The following TAFA5 variants were observed in gnomAD, a reference collection of about 807,000 sequenced individuals.
TAFA5 encodes the protein chemokine-like protein TAFA-5.
Under a neutral mutation model 15.3 loss-of-function variants are expected in TAFA5, and 6 were observed. That is an observed-to-expected ratio of 0.39 (90% CI 0.21 to 0.77). The LOEUF is 0.77. Among genes scored for constraint, TAFA5 ranks in the 30% least tolerant of loss-of-function variants. TAFA5 has a pLI of 0.41. For missense variants in TAFA5, 161 were observed against 193.1 expected (o/e 0.83, Z 0.98); for synonymous variants, 103 against 80.7 (o/e 1.28, Z -1.48).
intron 2 of TAFA5, among the ~76,000 whole-genome samples, chr22:48,653,992 G>A (rs111755421): frequency 1.1e-4 from 16 of 152,262 alleles, no homozygotes; most frequent in Admixed American, 9.1e-4. Flanking sequence ...TCCGTGTCCC[G>A]TCACGTAGGC....
intron 2 of TAFA5, among the ~76,000 whole-genome samples, chr22:48,691,400 A>T (rs1928537503): frequency 6.6e-6 from 1 of 152,210 alleles, no homozygotes; most frequent in Admixed American, 6.5e-5. Context: ...TTACTGAGTA[A>T]CAAAACCAGC....
In TAFA5 at chr22:48,552,966, C is replaced by A. The variant is rs532455588; in HGVS notation, c.112+63262C>A. 2.9e-4 allele frequency among the ~76,000 whole-genome samples: 44 copies of A among 152,262 alleles called. No homozygotes were observed. Among genetic ancestry groups the A allele is most frequent in the African/African-American group, 1.0e-3 (43 of 41,562 alleles). On this transcript the variant is annotated intron_variant, in intron 1 of 3. Coordinates refer to ENST00000402357, the MANE Select transcript of TAFA5 (RefSeq NM_001082967.3). This position sits in a 1 kb window ranked among gnomAD's most constrained non-coding sequence, Gnocchi z 4.1. ...TGGGGCTGATCTGAGGGGGGCTCGT[C>A]CCCAACCACCTGGTCACAGGCAGAG...
intron 1 of TAFA5, among the ~76,000 whole-genome samples, chr22:48,623,132 C>T (rs1925898487): frequency 6.6e-6 from 1 of 152,238 alleles, no homozygotes; most frequent in African/African-American, 2.4e-5. Context: ...CTCCAGCTGT[C>T]ACCTTCGACC....
At chr22:48,494,588 C>T (rs1418502058) in intron 1 of TAFA5, among the ~76,000 whole-genome samples, 1 of 152,218 alleles carries the variant, frequency 6.6e-6, no homozygotes, top group Admixed American at 6.5e-5. Flanking sequence ...TTCTTAAATG[C>T]TGCCTTGCAC....
chr22:48,665,966 A>G (rs910194850), intron 2 of TAFA5, among the ~76,000 whole-genome samples: 3 of 152,148 alleles, frequency 2.0e-5, no homozygotes, highest in African/African-American at 7.2e-5. Context: ...CCCACCCTGC[A>G]TCCAGCCTAG....
intron 1 of TAFA5, among the ~76,000 whole-genome samples, chr22:48,616,413 G>A (rs561430837): frequency 2.0e-5 from 3 of 152,328 alleles, no homozygotes; most frequent in Non-Finnish European, 4.4e-5. Context: ...CACATCGTGA[G>A]GCCTGGGAGC....
chr22:48,516,433 A>C (rs2147104471), intron 1 of TAFA5, among the ~76,000 whole-genome samples: 1 of 151,944 alleles, frequency 6.6e-6, no homozygotes, highest in East Asian at 2.0e-4. Context: ...TGGAATATTC[A>C]GTGCAGACAT....
At chr22:48,645,839 A>C (rs1480716619) in intron 1 of TAFA5, among the ~76,000 whole-genome samples, 1 of 152,114 alleles carries the variant, frequency 6.6e-6, no homozygotes, top group East Asian at 1.9e-4. Context: ...GTGTGCTCAC[A>C]CCTGGGTGCC....
At chr22:48,574,605 C>T (rs1419091774) in intron 1 of TAFA5, among the ~76,000 whole-genome samples, 1 of 152,204 alleles carries the variant, frequency 6.6e-6, no homozygotes, top group African/African-American at 2.4e-5. Context: ...ACCACATGCA[C>T]CGCGGGCACC....
intron 1 of TAFA5, among the ~76,000 whole-genome samples, chr22:48,583,858 CCA>C (rs202129696): frequency 0.28 from 41,591 of 149,866 alleles, 7,224 homozygotes; most frequent in Non-Finnish European, 0.38. Flanking sequence ...AAAAAATACA[CCA>C]CACACACACG....
rs141254546 is a variant in TAFA5, at chr22:48,554,595, C to T, written c.112+64891C>T. Reference sequence around the variant, plus strand: ...TGCAAATGAGATTGCTGAGGTTCAGCGGAGGTCACAGCAGCTTCATCATCA... The same window carrying T: ...TGCAAATGAGATTGCTGAGGTTCAGTGGAGGTCACAGCAGCTTCATCATCA... On this transcript the variant is annotated intron_variant, in intron 1 of 3. Transcript: ENST00000402357. Among the ~76,000 whole-genome samples, 4 of 152,260 alleles carry T rather than the reference C, an allele frequency of 2.6e-5. No individual in the cohort carries two copies. The East Asian group carries it at 5.8e-4, about 22-fold the overall frequency.
intron 1 of TAFA5, among the ~76,000 whole-genome samples, chr22:48,584,729 A>G (rs528199115): frequency 2.0e-5 from 3 of 148,166 alleles, no homozygotes; most frequent in Admixed American, 6.7e-5. Context: ...CCCCACACGC[A>G]CCATATACAC....
At chr22:48,643,648 A>G (rs1926763193) in intron 1 of TAFA5, among the ~76,000 whole-genome samples, 1 of 152,208 alleles carries the variant, frequency 6.6e-6, no homozygotes, top group Admixed American at 6.5e-5. Context: ...CTTAGTGACT[A>G]GGCTCAGCAG....
intron 1 of TAFA5, among the ~76,000 whole-genome samples, chr22:48,535,413 T>A (rs965752934): frequency 2.6e-5 from 4 of 152,252 alleles, no homozygotes; most frequent in Non-Finnish European, 5.9e-5. Context: ...CACGGGTGTG[T>A]ATATGTCACA....
At chr22:48,616,361 G>A (rs572527475) in intron 1 of TAFA5, among the ~76,000 whole-genome samples, 4 of 152,324 alleles carry the variant, frequency 2.6e-5, no homozygotes, top group South Asian at 2.1e-4. Context: ...CCAAGTGATC[G>A]TGTCTTCTGC....
intron 1 of TAFA5, among the ~76,000 whole-genome samples, chr22:48,612,190 A>G (rs1195356770): frequency 6.6e-6 from 1 of 152,090 alleles, no homozygotes; most frequent in Non-Finnish European, 1.5e-5. Flanking sequence ...CTGGCCGCCC[A>G]CTGGGCCTCA....
intron 1 of TAFA5, among the ~76,000 whole-genome samples, chr22:48,557,693 A>G (rs2147130228): frequency 6.6e-6 from 1 of 152,308 alleles, no homozygotes; most frequent in African/African-American, 2.4e-5. Context: ...CGCAGGTGGG[A>G]GGGCACCTCC....
At chr22:48,707,933 G>A (rs1929133821) in intron 3 of TAFA5, 89 bp downstream of exon 3, 14 of 1,512,208 alleles carry the variant, frequency 9.3e-6, no homozygotes, top group South Asian at 1.2e-5. Flanking sequence ...CGCGGGGACA[G>A]GTGGCAGCTG....
At chr22:48,740,757 C>T (rs1316155852) in intron 3 of TAFA5, among the ~76,000 whole-genome samples, 1 of 152,182 alleles carries the variant, frequency 6.6e-6, no homozygotes, top group Non-Finnish European at 1.5e-5. Context: ...GATGTGGTGG[C>T]TGCGATGTGG....
Sources: allele counts gnomAD v4.1 joint callset (sites outside exome capture counted in the v4.1 genomes callset), GRCh38; gene constraint gnomAD v4.1.1; non-coding constraint Gnocchi (gnomAD v3.1); transcripts MANE v1.5; gene names NCBI Gene and HGNC (gene_info 2026-07-23, HGNC 2026-07-21).